The following DCLK3 variants were observed in gnomAD, a reference collection of about 807,000 sequenced individuals.
The protein encoded by DCLK3 is serine/threonine-protein kinase DCLK3.
Under a neutral mutation model 46.4 loss-of-function variants are expected in DCLK3, and 30 were observed. The observed-to-expected ratio is 0.65, with a 90% CI of 0.48 to 0.88. The LOEUF (loss-of-function observed/expected upper bound fraction) is 0.88, where lower values mean the gene tolerates loss of function less well. Ranked by LOEUF, DCLK3 falls within the 40% of genes least tolerant of loss-of-function variation. The pLI, the probability that DCLK3 is intolerant of heterozygous loss-of-function variation, is 0.00. For synonymous variants in DCLK3, 401 were observed against 339.2 expected, an observed-to-expected ratio of 1.18 and a Z score of -2.00; for missense variants, 846 against 907.1, an observed-to-expected ratio of 0.93 and a Z score of 0.87.
chr3:36,719,877 T>G (rs766047909), intron 3 of DCLK3, among the ~76,000 whole-genome samples: 4 of 152,120 alleles, frequency 2.6e-5, no homozygotes, highest in Non-Finnish European at 5.9e-5. Flanking sequence ...TTCCCAAGAG[T>G]TTGTGTTGCC....
chr3:36,721,560 T>A lies in DCLK3; in HGVS notation c.2059A>T (p.Thr687Ser). The change falls in exon 3 of 5, where the codon ACT becomes TCT. Residue 687 changes from threonine (T) to serine (S), a missense_variant. Thr to Ser is a moderately conservative substitution (Grantham distance 58). Around this residue, in one of 3 missense-constraint regions of DCLK3, gnomAD observed 247 missense variants for 322.8 expected, o/e 0.77. Coordinates refer to ENST00000636136, the MANE Select transcript of DCLK3 (RefSeq NM_001394672.2). ...GAAAGAATTTCGGGAGCTACGTAAG[T>A]TGGGGTCCCACACACAGTAAATATA... Reference protein sequence around the residue: ...RPIFTVCGTPTYVAPEILSEK... With the variant: ...RPIFTVCGTPSYVAPEILSEK... The A allele has an allele frequency of 6.2e-7, 1 of 1,614,158 alleles. No homozygotes were observed. Among genetic ancestry groups the A allele is most frequent in the Non-Finnish European group, 8.5e-7 (1 of 1,180,016 alleles).
Position 36,733,433 on chromosome 3 carries a change from C to G in DCLK3, c.1959+3775G>C, listed in dbSNP as rs369338297. On this transcript the variant is annotated intron_variant, in intron 2 of 4. Transcript: ENST00000636136. ...CTGACACCTCTTCAGTCCCTTCCCC[C>G]ATCCTGCTCACCCAGCTTTCTTTGC... Among the ~76,000 whole-genome samples the G allele has an allele frequency of 1.1e-4, 17 of 152,330 alleles. No individual in the cohort carries two copies. The South Asian group carries it at 2.9e-3, about 26-fold the overall frequency.
chr3:36,736,023 G>A (rs1055878752), intron 2 of DCLK3, among the ~76,000 whole-genome samples: 2 of 152,330 alleles, frequency 1.3e-5, no homozygotes, highest in East Asian at 1.9e-4. Flanking sequence ...GTGGGTGAAC[G>A]TGCCAGAGGG....
intron 1 of DCLK3, among the ~76,000 whole-genome samples, chr3:36,760,264 G>A (rs1014238502): frequency 6.6e-6 from 1 of 152,178 alleles, no homozygotes; most frequent in Non-Finnish European, 1.5e-5. Flanking sequence ...TACCCAAGAG[G>A]GAGTAGCCTA....
At position 36,737,570 on chromosome 3, in the gene DCLK3, C is replaced by T. The variant is rs868849468; in HGVS notation, c.1597G>A (p.Asp533Asn). 1.9e-6 allele frequency: 3 copies of T among 1,614,156 alleles called. No homozygotes were observed. In the South Asian group the frequency reaches 3.3e-5, roughly 18 times the overall value. ...KHYETGRVIGDGNFAVVKECR... is the reference protein window; with the variant it reads ...KHYETGRVIGNGNFAVVKECR... ...TCCTTCACGACAGCAAAGTTCCCAT[C>T]CCCAATGACCCGGCCAGTCTCATAA... The change falls in exon 2 of 5, where the codon GAT (aspartate) becomes AAT (asparagine). Residue 533 changes from aspartate (D) to asparagine (N), a missense_variant. Transcript: ENST00000636136. The surrounding 1 kb of genome is among the most constrained non-coding windows in gnomAD (Gnocchi z 4.4).
intron 1 of DCLK3, among the ~76,000 whole-genome samples, chr3:36,760,482 T>TGGGGGAG (rs1701528915): frequency 1.6e-5 from 1 of 61,242 alleles, no homozygotes; most frequent in African/African-American, 6.5e-5. Context: ...GTTGTGGGGT[T>TGGGGGAG]GGGGGAGGGG....
In DCLK3 at chr3:36,713,191, T is replaced by A. The variant is rs115391697; in HGVS notation, c.*2137A>T. On this transcript the variant is annotated 3_prime_UTR_variant, in exon 5 of 5. Transcript: ENST00000636136. ...TTTTAATTTGCATTTCCCTAGCCAC[T>A]AAGGATGCAACTACAGCTTTTAGCA... The A allele has an allele frequency of 6.6e-6, 1 of 152,222 alleles. No homozygotes were observed. Among genetic ancestry groups the A allele is most frequent in the East Asian group, 1.9e-4 (1 of 5,184 alleles). The allele number at this position is 152,222 out of a possible 1,614,324, so 9.4% of individuals were successfully genotyped here.
At position 36,764,526 on chromosome 3, in the gene DCLK3, G is replaced by A. The variant is rs1263324066; in HGVS notation, c.-263C>T. 6.6e-6 allele frequency among the ~76,000 whole-genome samples: 1 copy of A among 152,052 alleles called. No homozygotes were observed. Among genetic ancestry groups the A allele is most frequent in the Non-Finnish European group, 1.5e-5 (1 of 67,970 alleles). ...AGCTGCAGCCGCCCTCTCTGCGCCG[G>A]TCCCGCCATGCGCGCCGCTCCTGGC... On this transcript the variant is annotated 5_prime_UTR_variant, in exon 1 of 5. Transcript: ENST00000636136. This position sits in a 1 kb window ranked among gnomAD's most constrained non-coding sequence, Gnocchi z 4.9.
intron 1 of DCLK3, among the ~76,000 whole-genome samples, chr3:36,759,574 T>C (rs1701520455): frequency 6.6e-6 from 1 of 152,222 alleles, no homozygotes; most frequent in Non-Finnish European, 1.5e-5. Context: ...AAAACCCTCC[T>C]GACTAATACA....
At chr3:36,720,237 G>A (rs1054582292) in intron 3 of DCLK3, among the ~76,000 whole-genome samples, 14 of 152,228 alleles carry the variant, frequency 9.2e-5, no homozygotes, top group Non-Finnish European at 1.6e-4. Context: ...GTAACATGCC[G>A]GTTCCCTGTC....
intron 1 of DCLK3, among the ~76,000 whole-genome samples, chr3:36,750,262 A>C (rs771193433): frequency 2.6e-5 from 4 of 152,084 alleles, no homozygotes; most frequent in Non-Finnish European, 4.4e-5. Context: ...TTGTATTTTT[A>C]GTCAAGACAG....
chr3:36,738,124 C>G lies in DCLK3; in HGVS notation c.1043G>C (p.Arg348Thr), dbSNP rs867911865. The change falls in exon 2 of 5, where the codon AGG (arginine) becomes ACG (threonine). Residue 348 changes from arginine to threonine, a missense_variant. Arg to Thr is a moderately conservative substitution (Grantham distance 71). Coordinates refer to ENST00000636136, the MANE Select transcript of DCLK3 (RefSeq NM_001394672.2). Reference protein sequence around the residue: ...GPMYDVEKLVRTRSCRRSPEA... With the variant: ...GPMYDVEKLVTTRSCRRSPEA... ...GGGAGACCTCCTGCAGCTTCTGGTC[C>G]TCACCAGCTTCTCCACATCATACAT... 3 of 1,614,048 alleles carry G rather than the reference C, an allele frequency of 1.9e-6. No individual in the cohort carries two copies. The East Asian group carries it at 6.7e-5, about 36-fold the overall frequency.
At chr3:36,721,477 A>G (rs1701055257) in intron 3 of DCLK3, 50 bp downstream of exon 3, 1 of 1,590,014 alleles carries the variant, frequency 6.3e-7, no homozygotes. Context: ...CAAATGAAAC[A>G]TTTGTTAGTA....
In DCLK3 at chr3:36,721,564, G is replaced by T; in HGVS notation, c.2055C>A (p.Thr685=). 1 of 1,613,998 alleles carries T rather than the reference G, an allele frequency of 6.2e-7. No individual in the cohort carries two copies. The highest frequency in any genetic ancestry group is 8.5e-7 in the Non-Finnish European group (1 of 1,179,972). The change falls in exon 3 of 5, where the codon ACC becomes ACA. Residue 685 remains threonine (T), a synonymous_variant. Transcript: ENST00000636136. The stretch of plus-strand genomic sequence containing the variant: ...GAATTTCGGGAGCTACGTAAGTTGG[G>T]GTCCCACACACAGTAAATATAGGTC... ...VVRPIFTVCG[T]PTYVAPEILS...
chr3:36,758,550 G>A (rs1018560907), intron 1 of DCLK3, among the ~76,000 whole-genome samples: 1 of 152,106 alleles, frequency 6.6e-6, no homozygotes, highest in African/African-American at 2.4e-5. Flanking sequence ...AAGACACAAG[G>A]TCCATCCCCT....
intron 2 of DCLK3, chr3:36,729,821 A>C (rs1213350896): frequency 6.6e-6 from 1 of 152,246 alleles, no homozygotes; most frequent in Non-Finnish European, 1.5e-5. Context: ...TGATCTTAGA[A>C]ACCAATTCAC....
At chr3:36,751,063 T>TAAAAAAAAAAA (rs5847933) in intron 1 of DCLK3, among the ~76,000 whole-genome samples, 11,813 of 76,056 alleles carry the variant, frequency 0.16, 2,507 homozygotes, top group Non-Finnish European at 0.21. Flanking sequence ...CGGGATGATC[T>TAAAAAAAAAAA]AAAAAAAAAA....
intron 2 of DCLK3, among the ~76,000 whole-genome samples, chr3:36,726,514 A>T (rs1488269051): frequency 6.6e-6 from 1 of 152,148 alleles, no homozygotes; most frequent in Non-Finnish European, 1.5e-5. Flanking sequence ...ACAGGTGGGC[A>T]GTAGAGGAAC....
chr3:36,754,323 G>A (rs537367146), intron 1 of DCLK3, among the ~76,000 whole-genome samples: 1 of 152,230 alleles, frequency 6.6e-6, no homozygotes, highest in Non-Finnish European at 1.5e-5. Flanking sequence ...ATTTCTTTCT[G>A]TTTCTCTTTT....
Sources: allele counts gnomAD v4.1 joint callset (sites outside exome capture counted in the v4.1 genomes callset), GRCh38; gene constraint gnomAD v4.1.1; regional missense constraint gnomAD v4.1.1; non-coding constraint Gnocchi (gnomAD v3.1); transcripts MANE v1.5; gene names NCBI Gene and HGNC (gene_info 2026-07-23, HGNC 2026-07-21).